Variants in SUSD6 observed in about 807,000 individuals in gnomAD.
SUSD6 encodes sushi domain-containing protein 6.
Under a neutral mutation model 28.4 loss-of-function variants are expected in SUSD6, and 16 were observed. That is an observed-to-expected ratio of 0.56 (90% CI 0.38 to 0.86). The LOEUF (loss-of-function observed/expected upper bound fraction) is 0.86, where lower values mean the gene tolerates loss of function less well. Ranked by LOEUF, SUSD6 falls within the 40% of genes least tolerant of loss-of-function variation. The probability of loss-of-function intolerance (pLI) is 0.00; values close to 1 mark genes in which losing one functional copy is unlikely to be tolerated. For missense variants in SUSD6, 341 were observed against 384.2 expected, an observed-to-expected ratio of 0.89 and a Z score of 0.94; for synonymous variants, 147 against 159.6, an observed-to-expected ratio of 0.92 and a Z score of 0.59.
At chr14:69,706,297 G>A (rs1886386119) in intron 4 of SUSD6, among the ~76,000 whole-genome samples, 2 of 152,222 alleles carry the variant, frequency 1.3e-5, no homozygotes, top group South Asian at 4.1e-4. Flanking sequence ...TTGTAAGTTT[G>A]TTAAAAGTAA....
chr14:69,619,737 C>T (rs555039264), intron 1 of SUSD6, among the ~76,000 whole-genome samples: 1 of 152,238 alleles, frequency 6.6e-6, no homozygotes, highest in South Asian at 2.1e-4. Context: ...TGCCACTGTA[C>T]TCCAGCCTGG....
intron 1 of SUSD6, among the ~76,000 whole-genome samples, chr14:69,650,396 AC>A (rs755538704): frequency 3.9e-5 from 6 of 152,086 alleles, no homozygotes; most frequent in Non-Finnish European, 7.4e-5. Flanking sequence ...TACCTAGACC[AC>A]CCAATTGCCC....
At chr14:69,641,792 G>T (rs1042697617) in intron 1 of SUSD6, among the ~76,000 whole-genome samples, 3 of 130,740 alleles carry the variant, frequency 2.3e-5, no homozygotes, top group African/African-American at 1.1e-4. Flanking sequence ...TAGAGAGGAG[G>T]GGGGGTCTCC....
chr14:69,666,406 C>G (rs1371681029), intron 2 of SUSD6, among the ~76,000 whole-genome samples: 2 of 152,164 alleles, frequency 1.3e-5, no homozygotes, highest in African/African-American at 4.8e-5. Context: ...AGTTTTGAAA[C>G]TTTACATATT....
intron 2 of SUSD6, among the ~76,000 whole-genome samples, chr14:69,702,886 T>G (rs1291547118): frequency 6.6e-6 from 1 of 152,152 alleles, no homozygotes; most frequent in African/African-American, 2.4e-5. Flanking sequence ...AGTCAGAGAA[T>G]GGAAGATGCA....
At chr14:69,616,804 C>CT (rs1376697587) in intron 1 of SUSD6, among the ~76,000 whole-genome samples, 33 of 148,180 alleles carry the variant, frequency 2.2e-4, no homozygotes, top group East Asian at 1.4e-3. Flanking sequence ...TTTCACTTAG[C>CT]TTTTTTTTTT....
chr14:69,663,610 C>T (rs1438313490), intron 2 of SUSD6, among the ~76,000 whole-genome samples: 3 of 152,178 alleles, frequency 2.0e-5, no homozygotes, highest in South Asian at 2.1e-4. Flanking sequence ...GCTCTGTTAT[C>T]GTTCCATATA....
At chr14:69,704,534 G>C (rs1886358733) in intron 3 of SUSD6, 70 bp from the exon 4 acceptor site, 1 of 1,507,048 alleles carries the variant, frequency 6.6e-7, no homozygotes, top group Admixed American at 2.0e-5. Flanking sequence ...GACAAGATCA[G>C]CTGTGGGGCC....
intron 1 of SUSD6, among the ~76,000 whole-genome samples, chr14:69,640,605 G>A (rs1301794966): frequency 6.6e-6 from 1 of 152,138 alleles, no homozygotes; most frequent in Non-Finnish European, 1.5e-5. Flanking sequence ...CCAAAGCACT[G>A]GGATTACAGG....
rs747154399 is a variant in SUSD6 at position 69,708,662 on chromosome 14, C to T, written c.459-15C>T. ...TATTCTAATTCATCCTTTGTCTTTT[C>T]CTCCTCCACTCCAGGCGTGACCAGG... On this transcript the variant is annotated splice_polypyrimidine_tract_variant and intron_variant, in intron 4 of 5. Coordinates refer to ENST00000342745, the MANE Select transcript of SUSD6 (RefSeq NM_014734.4). The T allele has an allele frequency of 1.3e-6, 2 of 1,522,782 alleles. No individual in the cohort carries two copies. The highest frequency in any genetic ancestry group is 1.8e-6 in the Non-Finnish European group (2 of 1,133,920). The allele number at this position is 1,522,782 out of a possible 1,614,324, so 94.3% of individuals were successfully genotyped here.
At position 69,695,055 on chromosome 14, in the gene SUSD6, A is replaced by T. The variant is rs188508449; in HGVS notation, c.122-8340A>T. On this transcript the variant is annotated intron_variant, in intron 2 of 5. Coordinates refer to ENST00000342745, the MANE Select transcript of SUSD6 (RefSeq NM_014734.4). ...CTCCCCCAGTGAGTGGGAAGTTCTCATGAGAAAAGGGATCCTGACTGGACA... is the reference window on the plus strand; with the variant it reads ...CTCCCCCAGTGAGTGGGAAGTTCTCTTGAGAAAAGGGATCCTGACTGGACA... Among the ~76,000 whole-genome samples, 10 of 152,118 alleles carry T rather than the reference A, an allele frequency of 6.6e-5. No individual in the cohort carries two copies. In the East Asian group the frequency reaches 1.9e-3, roughly 29 times the overall value.
chr14:69,713,752 A>T lies in SUSD6; in HGVS notation c.*2773A>T, dbSNP rs1309993830. 6.6e-6 allele frequency: 1 copy of T among 152,198 alleles called. No homozygotes were observed. The highest frequency in any genetic ancestry group is 1.9e-4 in the East Asian group (1 of 5,204). 9.4% of individuals were successfully genotyped at this position (152,198 alleles called of 1,614,324 possible). ...GGCTCACCTCTAGGGCATTCCAGCA[A>T]GAGGCTGATGCAGGAGAATGGCCAG... On this transcript the variant is annotated 3_prime_UTR_variant, in exon 6 of 6. Coordinates refer to ENST00000342745, the MANE Select transcript of SUSD6 (RefSeq NM_014734.4).
chr14:69,640,175 G>T (rs960117071), intron 1 of SUSD6, among the ~76,000 whole-genome samples: 1 of 151,358 alleles, frequency 6.6e-6, no homozygotes, highest in Admixed American at 6.6e-5. Context: ...GGACTCTGAA[G>T]AATGGGGTCA....
intron 2 of SUSD6, among the ~76,000 whole-genome samples, chr14:69,664,354 A>T (rs1275744): frequency 0.95 from 144,711 of 152,176 alleles, 69,282 homozygotes; most frequent in East Asian, 1. Context: ...AGGTTTGCCA[A>T]GGTGGTTCTA....
In SUSD6 at chr14:69,713,210, A is replaced by C. The variant is rs546928698; in HGVS notation, c.*2231A>C. The C allele has an allele frequency of 6.6e-6, 1 of 152,354 alleles. No individual in the cohort carries two copies. Among genetic ancestry groups the C allele is most frequent in the Non-Finnish European group, 1.5e-5 (1 of 68,048 alleles). 9.4% of individuals were successfully genotyped at this position (152,354 alleles called of 1,614,324 possible). The stretch of plus-strand genomic sequence containing the variant: ...GTTTGGGGTTTATTCAGCTGCATAG[A>C]TGACCAGCTTGATCCCTGGTGAAAT... On this transcript the variant is annotated 3_prime_UTR_variant, in exon 6 of 6. Coordinates refer to ENST00000342745, the MANE Select transcript of SUSD6 (RefSeq NM_014734.4).
intron 1 of SUSD6, among the ~76,000 whole-genome samples, chr14:69,625,536 A>G (rs1378775987): frequency 6.6e-6 from 1 of 152,230 alleles, no homozygotes; most frequent in African/African-American, 2.4e-5. Flanking sequence ...ATGTGCAGAC[A>G]GGAAGCACTG....
At chr14:69,661,450 G>A (rs892880196) in intron 2 of SUSD6, among the ~76,000 whole-genome samples, 1 of 152,140 alleles carries the variant, frequency 6.6e-6, no homozygotes, top group African/African-American at 2.4e-5. Flanking sequence ...TGGCTCTGTT[G>A]TTTTCTTTCC....
rs555750479 is a variant in SUSD6, at chr14:69,682,878, A to G, written c.122-20517A>G. Among the ~76,000 whole-genome samples the G allele has an allele frequency of 1.8e-4, 27 of 149,380 alleles. No homozygotes were observed. In the South Asian group the frequency reaches 5.8e-3, roughly 32 times the overall value. ...TCTCCTAGAACAGGCTTTGCCAAGG[A>G]TGAAAAGCCTGAATGTCAAATCCTT... is the stretch of plus-strand genomic sequence containing the variant. On this transcript the variant is annotated intron_variant, in intron 2 of 5. Coordinates refer to ENST00000342745, the MANE Select transcript of SUSD6 (RefSeq NM_014734.4).
chr14:69,698,369 A>C (rs1421206719), intron 2 of SUSD6, among the ~76,000 whole-genome samples: 1 of 152,156 alleles, frequency 6.6e-6, no homozygotes, highest in Non-Finnish European at 1.5e-5. Context: ...GATAATTTAA[A>C]TGTAACCTTC....
Sources: allele counts gnomAD v4.1 joint callset (sites outside exome capture counted in the v4.1 genomes callset), GRCh38; gene constraint gnomAD v4.1.1; transcripts MANE v1.5; gene names NCBI Gene and HGNC (gene_info 2026-07-23, HGNC 2026-07-21).